ACSL1: variants seen among roughly 807,000 people sequenced by gnomAD.
ACSL1 encodes the protein acyl-CoA synthetase long chain family member 1.
ACSL1 carries 41 observed loss-of-function variants against 98.4 expected under a neutral mutation model. The observed-to-expected ratio is 0.42, with a 90% CI of 0.32 to 0.54. The LOEUF (loss-of-function observed/expected upper bound fraction) is 0.54. ACSL1 is among the 20% of genes least tolerant of loss of function. ACSL1 has a pLI of 0.13. For synonymous variants in ACSL1, 316 were observed against 322.7 expected (o/e 0.98, Z 0.22); for missense variants, 734 against 883.1 (o/e 0.83, Z 2.14).
At chr4:184,801,836 C>A (rs558912672) in intron 2 of ACSL1, among the ~76,000 whole-genome samples, 2 of 152,210 alleles carry the variant, frequency 1.3e-5, no homozygotes, top group Non-Finnish European at 2.9e-5. Context: ...AGGCACAATG[C>A]CTTTATGCTA....
Position 184,756,759 on chromosome 4 carries a change from A to G in ACSL1, c.*366T>C, listed in dbSNP as rs888066348. On this transcript the variant is annotated 3_prime_UTR_variant, in exon 21 of 21. Coordinates refer to ENST00000281455, the MANE Select transcript of ACSL1 (RefSeq NM_001995.5). ...CTGCAGAATTTGCAGCAAGTAGCAG[A>G]CATCTCAGAGATAGCAAAGTCCTAA... 1.2e-5 allele frequency: 2 copies of G among 168,520 alleles called. No homozygotes were observed. The highest frequency in any genetic ancestry group is 2.6e-5 in the Non-Finnish European group (2 of 77,480). The allele number at this position is 168,520 out of a possible 1,614,324, so 10.4% of individuals were successfully genotyped here.
At chr4:184,767,923 T>C (rs1763874985) in intron 12 of ACSL1, 1 of 275,694 alleles carries the variant, frequency 3.6e-6, no homozygotes, top group Admixed American at 5.3e-5. Flanking sequence ...AGCTTTACAA[T>C]GAAGAAAACC....
chr4:184,807,532 A>C (rs1282732216), intron 1 of ACSL1, among the ~76,000 whole-genome samples: 1 of 152,214 alleles, frequency 6.6e-6, no homozygotes, highest in Non-Finnish European at 1.5e-5. Context: ...ACAATGGCCA[A>C]GGAAATCTGG....
rs373711928 is a variant in ACSL1 at position 184,773,624 on chromosome 4, G to A, written c.841+39C>T. 2 of 1,583,840 alleles carry A rather than the reference G, an allele frequency of 1.3e-6. No homozygotes were observed. Among genetic ancestry groups the A allele is most frequent in the African/African-American group, 2.7e-5 (2 of 73,348 alleles). The stretch of plus-strand genomic sequence containing the variant: ...GAGGTAGGGGAGAGTCCAGACCAAT[G>A]GCTGCCATATGTAGAAGCAATTCTA... On this transcript the variant is annotated intron_variant, in intron 9 of 20. Coordinates refer to ENST00000281455, the MANE Select transcript of ACSL1 (RefSeq NM_001995.5). This position sits in a 1 kb window ranked among gnomAD's most constrained non-coding sequence, Gnocchi z 4.3.
At chr4:184,802,363 C>G (rs551145102) in intron 2 of ACSL1, among the ~76,000 whole-genome samples, 1 of 151,968 alleles carries the variant, frequency 6.6e-6, no homozygotes, top group Non-Finnish European at 1.5e-5. Context: ...GCAGTCAGCC[C>G]GGGGGGGTGG....
At position 184,773,663 on chromosome 4, in the gene ACSL1, CT is replaced by C; in HGVS notation, c.840del (p.Gly281AlafsTer13). The C allele has an allele frequency of 6.2e-7, 1 of 1,611,726 alleles. No individual in the cohort carries two copies. The highest frequency in any genetic ancestry group is 2.2e-5 in the East Asian group (1 of 44,852). On this transcript the variant is annotated frameshift_variant and splice_region_variant, in exon 9 of 21. Transcript: ENST00000281455. LOFTEE classifies it high-confidence loss of function. This position sits in a 1 kb window ranked among gnomAD's most constrained non-coding sequence, Gnocchi z 4.3. ...LAVICFTSGT[T>X]GNPKGAMVTH... Reference sequence around the variant, plus strand: ...GAAGCAATTCTATCTCAAAACTCACCTGTAGTTCCACTTGTGAAACAAATTA... The same window carrying C: ...GAAGCAATTCTATCTCAAAACTCACCGTAGTTCCACTTGTGAAACAAATTA...
At position 184,757,911 on chromosome 4, in the gene ACSL1, T is replaced by C. The variant is rs1215778550; in HGVS notation, c.1792A>G (p.Ile598Val). The C allele has an allele frequency of 1.3e-5, 21 of 1,613,662 alleles. No individual in the cohort carries two copies. Among genetic ancestry groups the C allele is most frequent in the Non-Finnish European group, 1.8e-5 (21 of 1,179,628 alleles). The change falls in exon 19 of 21, where the codon ATT becomes GTT. Residue 598 changes from isoleucine to valine, a missense_variant. Physicochemically the swap from Ile to Val is conservative, Grantham distance 29. Transcript: ENST00000281455. This position sits in a 1 kb window ranked among gnomAD's most constrained non-coding sequence, Gnocchi z 4.5. ...VHGESLQAFL[I>V]AIVVPDVETL... is the part of the protein sequence containing the mutation. Reference sequence around the variant, plus strand: ...TCAACATCTGGTACCACAATTGCAATGAGAAATGCCTTTAACACAGACAAA... The same window carrying C: ...TCAACATCTGGTACCACAATTGCAACGAGAAATGCCTTTAACACAGACAAA...
rs1770806776 is a variant in ACSL1, at chr4:184,803,140, C to T, written c.195+180G>A. Among the ~76,000 whole-genome samples the T allele has an allele frequency of 6.6e-6, 1 of 152,196 alleles. No individual in the cohort carries two copies. The highest frequency in any genetic ancestry group is 2.1e-4 in the South Asian group (1 of 4,828). ...CCAACCGACACCCTCTCATCTGTCC[C>T]TGTGCCTATATTTTGCCCTGTACCT... is the stretch of plus-strand genomic sequence containing the variant. On this transcript the variant is annotated intron_variant, in intron 2 of 20. Transcript: ENST00000281455. The surrounding 1 kb of genome is among the most constrained non-coding windows in gnomAD (Gnocchi z 4.8).
rs374307999 is a variant in ACSL1 at position 184,765,873 on chromosome 4, C to T, written c.1359+18G>A. On this transcript the variant is annotated intron_variant, in intron 14 of 20. Coordinates refer to ENST00000281455, the MANE Select transcript of ACSL1 (RefSeq NM_001995.5). ...CATCCTAGTGTGGGAGAATCAGGCG[C>T]CGTGACATCCACCTCACCTGACAGC... 1.8e-5 allele frequency: 29 copies of T among 1,607,700 alleles called. No homozygotes were observed. In the African/African-American group the frequency reaches 2.8e-4, roughly 16 times the overall value.
At chr4:184,809,728 G>A (rs963810797) in intron 1 of ACSL1, among the ~76,000 whole-genome samples, 7 of 152,254 alleles carry the variant, frequency 4.6e-5, no homozygotes, top group East Asian at 1.9e-4. Context: ...CCTGGGAAGC[G>A]GAGCTTGCAG....
At chr4:184,801,491 G>A (rs556471633) in intron 2 of ACSL1, among the ~76,000 whole-genome samples, 11 of 152,242 alleles carry the variant, frequency 7.2e-5, no homozygotes, top group Non-Finnish European at 1.0e-4. Flanking sequence ...GCTCTTCACC[G>A]GTACCTTATG....
At chr4:184,786,294 C>G (rs190535351) in intron 3 of ACSL1, among the ~76,000 whole-genome samples, 107 of 152,148 alleles carry the variant, frequency 7.0e-4, no homozygotes, top group Non-Finnish European at 1.3e-3. Flanking sequence ...AACTCCTGTT[C>G]GTATCAATTA....
chr4:184,789,880 T>C (rs1242816089), intron 2 of ACSL1, among the ~76,000 whole-genome samples: 1 of 42,996 alleles, frequency 2.3e-5, no homozygotes, highest in South Asian at 1.3e-3. Context: ...CGTTAGAGCC[T>C]ACCTTTTTTT....
At chr4:184,793,049 G>A (rs1478358292) in intron 2 of ACSL1, among the ~76,000 whole-genome samples, 1 of 152,106 alleles carries the variant, frequency 6.6e-6, no homozygotes. Context: ...GGGTCGCTTG[G>A]GCTCAAGAAA....
chr4:184,824,899 T>A (rs1579978519), intron 1 of ACSL1, among the ~76,000 whole-genome samples: 1 of 152,308 alleles, frequency 6.6e-6, no homozygotes, highest in East Asian at 1.9e-4. Flanking sequence ...AATAATTGTT[T>A]TCTTTGGGAC....
chr4:184,812,423 C>A (rs1270320957), intron 1 of ACSL1, among the ~76,000 whole-genome samples: 1 of 152,088 alleles, frequency 6.6e-6, no homozygotes, highest in Admixed American at 6.6e-5. Flanking sequence ...GGGTATTAAG[C>A]ATTTTCCAAC....
chr4:184,811,171 T>C (rs12639729), intron 1 of ACSL1, among the ~76,000 whole-genome samples: 14,580 of 151,402 alleles, frequency 0.096, 863 homozygotes, highest in East Asian at 0.3. Context: ...TGCAGTGGTG[T>C]GATCTCGGCT....
chr4:184,773,636 T>C lies in ACSL1; in HGVS notation c.841+27A>G, dbSNP rs202237597. On this transcript the variant is annotated intron_variant, in intron 9 of 20. Coordinates refer to ENST00000281455, the MANE Select transcript of ACSL1 (RefSeq NM_001995.5). This position sits in a 1 kb window ranked among gnomAD's most constrained non-coding sequence, Gnocchi z 4.3. The stretch of plus-strand genomic sequence containing the variant: ...AGTCCAGACCAATGGCTGCCATATG[T>C]AGAAGCAATTCTATCTCAAAACTCA... 13 of 1,601,278 alleles carry C rather than the reference T, an allele frequency of 8.1e-6. No individual in the cohort carries two copies. The East Asian group carries it at 2.7e-4, about 33-fold the overall frequency.
intron 4 of ACSL1, among the ~76,000 whole-genome samples, chr4:184,782,914 C>T (rs1294697763): frequency 6.6e-6 from 1 of 152,206 alleles, no homozygotes; most frequent in Non-Finnish European, 1.5e-5. Flanking sequence ...GAGAACGATC[C>T]CTTCCACAGA....
Sources: allele counts gnomAD v4.1 joint callset (sites outside exome capture counted in the v4.1 genomes callset), GRCh38; gene constraint gnomAD v4.1.1; non-coding constraint Gnocchi (gnomAD v3.1); transcripts MANE v1.5; gene names NCBI Gene and HGNC (gene_info 2026-07-23, HGNC 2026-07-21).